The following ELAVL4 variants were observed in gnomAD, a reference collection of about 807,000 sequenced individuals.
ELAVL4 encodes the protein ELAV-like protein 4.
A neutral mutation model predicts 35.6 loss-of-function variants in ELAVL4; 1 was observed. That is an observed-to-expected ratio of 0.03 (90% CI 0.01 to 0.13). The LOEUF is 0.13. Ranked by LOEUF, ELAVL4 falls within the 10% of genes least tolerant of loss-of-function variation. ELAVL4 has a pLI of 1.00. For missense variants in ELAVL4, 267 were observed against 464.9 expected (o/e 0.57, Z 3.91); for synonymous variants, 156 against 171.0 (o/e 0.91, Z 0.69).
chr1:50,151,168 A>G (rs1355764083), intron 2 of ELAVL4, among the ~76,000 whole-genome samples: 1 of 152,182 alleles, frequency 6.6e-6, no homozygotes, highest in Non-Finnish European at 1.5e-5. Context: ...GCACTGACTA[A>G]TTGTGAATTG....
intron 2 of ELAVL4, among the ~76,000 whole-genome samples, chr1:50,164,473 T>C (rs924361158): frequency 6.6e-6 from 1 of 152,368 alleles, no homozygotes; most frequent in Admixed American, 6.5e-5. Flanking sequence ...ATAGCAAGTC[T>C]ACCCTTATTT....
chr1:50,141,017 G>A (rs1572366764), intron 1 of ELAVL4, among the ~76,000 whole-genome samples: 2 of 152,148 alleles, frequency 1.3e-5, no homozygotes, highest in Non-Finnish European at 2.9e-5. Flanking sequence ...TGCAAGGAAG[G>A]CCACAAAGCT....
At chr1:50,067,026 A>G (rs1664295046) in intron 1 of ELAVL4, among the ~76,000 whole-genome samples, 1 of 152,144 alleles carries the variant, frequency 6.6e-6, no homozygotes. Flanking sequence ...CACCTGGTAA[A>G]AATAGCTTGT....
intron 1 of ELAVL4, chr1:50,110,031 G>A: frequency 1.3e-6 from 2 of 1,562,276 alleles, no homozygotes; most frequent in East Asian, 2.3e-5. Flanking sequence ...GTGTGTGCTT[G>A]TATGTGTGTA....
At chr1:50,128,769 G>C (rs1670378899) in intron 1 of ELAVL4, among the ~76,000 whole-genome samples, 1 of 152,072 alleles carries the variant, frequency 6.6e-6, no homozygotes, top group South Asian at 2.1e-4. Context: ...GTCATTGCTG[G>C]CTGCAGAAGC....
intron 3 of ELAVL4, among the ~76,000 whole-genome samples, chr1:50,185,027 A>G (rs1449129392): frequency 1.3e-5 from 2 of 152,372 alleles, no homozygotes; most frequent in South Asian, 2.1e-4. Context: ...CTCAGTAGCC[A>G]CTTGTAGCTA....
chr1:50,067,285 T>A lies in ELAVL4; in HGVS notation c.18+19103T>A, dbSNP rs1366631673. Among the ~76,000 whole-genome samples the A allele has an allele frequency of 2.6e-5, 4 of 152,316 alleles. No homozygotes were observed. In the East Asian group the frequency reaches 7.7e-4, roughly 29 times the overall value. On this transcript the variant is annotated intron_variant, in intron 1 of 6. Transcript: ENST00000448907. ...CCTTGTCACCAATCAAATATGTTCG[T>A]ATTCTTGAGGATTGAGGTAGTGATT... is the stretch of plus-strand genomic sequence containing the variant.
chr1:50,050,288 A>G (rs1663286777), intron 1 of ELAVL4, among the ~76,000 whole-genome samples: 1 of 152,250 alleles, frequency 6.6e-6, no homozygotes. Context: ...TTGCTACTAC[A>G]TCTGCTTAAA....
At chr1:50,142,460 C>G (rs1332936745) in intron 1 of ELAVL4, among the ~76,000 whole-genome samples, 1 of 152,166 alleles carries the variant, frequency 6.6e-6, no homozygotes, top group Non-Finnish European at 1.5e-5. Flanking sequence ...ACCTCGGCCT[C>G]CCAAAGTGTT....
intron 3 of ELAVL4, among the ~76,000 whole-genome samples, chr1:50,183,376 C>G (rs1326758936): frequency 6.6e-6 from 1 of 152,060 alleles, no homozygotes; most frequent in East Asian, 1.9e-4. Flanking sequence ...TGAGAGTTAG[C>G]ACTCAGGCAG....
At chr1:50,053,034 C>CAGTT (rs1663469694) in intron 1 of ELAVL4, among the ~76,000 whole-genome samples, 2 of 152,142 alleles carry the variant, frequency 1.3e-5, no homozygotes, top group Admixed American at 1.3e-4. Flanking sequence ...ACAGAGTTTA[C>CAGTT]AGTTATTCAC....
chr1:50,073,367 T>TA (rs1664618175), intron 1 of ELAVL4, among the ~76,000 whole-genome samples: 1 of 152,158 alleles, frequency 6.6e-6, no homozygotes. Context: ...TTTATTATTT[T>TA]AAAAAATCCT....
In ELAVL4 at chr1:50,056,593, C is replaced by T. The variant is rs185632142; in HGVS notation, c.18+8411C>T. Among the ~76,000 whole-genome samples, 151 of 152,256 alleles carry T rather than the reference C, an allele frequency of 9.9e-4. 1 individual carries two copies. Among genetic ancestry groups the T allele is most frequent in the African/African-American group, 3.5e-3 (146 of 41,534 alleles). On this transcript the variant is annotated intron_variant, in intron 1 of 6. Transcript: ENST00000448907. Reference sequence around the variant, plus strand: ...AACACTTGATAATGTTAATACATTACTAGGTAACTGGTTTATGCATTTACT... The same window carrying T: ...AACACTTGATAATGTTAATACATTATTAGGTAACTGGTTTATGCATTTACT...
intron 2 of ELAVL4, among the ~76,000 whole-genome samples, chr1:50,168,468 A>C (rs922968776): frequency 2.6e-5 from 4 of 152,186 alleles, no homozygotes; most frequent in African/African-American, 9.7e-5. Context: ...CTTTCTCTAC[A>C]AGAGATAAGA....
chr1:50,080,936 A>G (rs937040225), intron 1 of ELAVL4, among the ~76,000 whole-genome samples: 4 of 152,202 alleles, frequency 2.6e-5, no homozygotes, highest in African/African-American at 9.6e-5. Flanking sequence ...CATCTTGCAG[A>G]GTCGATACTC....
rs369875371 is a variant in ELAVL4 at position 50,193,892 on chromosome 1, C to T, written c.482C>T (p.Ser161Leu). Residue 161 changes from serine (S) to leucine (L), a missense_variant, in exon 4 of 7, where the codon TCA (serine) becomes TTA (leucine). By Grantham distance (145) the Ser-to-Leu change is moderately radical (BLOSUM62 -2). This residue lies in a region of ELAVL4 where 216 missense variants were observed against 409.5 expected (regional missense o/e 0.53). Coordinates refer to ENST00000371824, the MANE Select transcript of ELAVL4 (RefSeq NM_001144774.3). ...TCGCAATACGGCCGTATCATCACCTCACGAATCCTGGTTGATCAAGTCACA... is the reference window on the plus strand; with the variant it reads ...TCGCAATACGGCCGTATCATCACCTTACGAATCCTGGTTGATCAAGTCACA... ...LFSQYGRIIT[S>L]RILVDQVTGV... The T allele has an allele frequency of 2.5e-6, 4 of 1,614,048 alleles. No individual in the cohort carries two copies. Among genetic ancestry groups the T allele is most frequent in the Non-Finnish European group, 3.4e-6 (4 of 1,179,962 alleles).
intron 1 of ELAVL4, among the ~76,000 whole-genome samples, chr1:50,140,412 T>C (rs1395539394): frequency 1.3e-5 from 2 of 152,222 alleles, no homozygotes; most frequent in East Asian, 3.8e-4. Context: ...TCCCTCTGTT[T>C]CCCAAGCAGA....
At chr1:50,077,279 C>T (rs2148492683) in intron 1 of ELAVL4, among the ~76,000 whole-genome samples, 1 of 152,236 alleles carries the variant, frequency 6.6e-6, no homozygotes, top group East Asian at 1.9e-4. Flanking sequence ...AAGATGGAGA[C>T]CCAAGACAAT....
chr1:50,130,572 A>G (rs1391618310), intron 1 of ELAVL4, among the ~76,000 whole-genome samples: 1 of 152,202 alleles, frequency 6.6e-6, no homozygotes, highest in Non-Finnish European at 1.5e-5. Flanking sequence ...TTTAATCAGC[A>G]TTATAACAGG....
Sources: allele counts gnomAD v4.1 joint callset (sites outside exome capture counted in the v4.1 genomes callset), GRCh38; gene constraint gnomAD v4.1.1; regional missense constraint gnomAD v4.1.1; transcripts MANE v1.5; gene names NCBI Gene and HGNC (gene_info 2026-07-23, HGNC 2026-07-21).